The following NELFCD variants were observed in gnomAD, a reference collection of about 807,000 sequenced individuals.
The protein encoded by NELFCD is negative elongation factor complex member C/D.
NELFCD carries 48 observed loss-of-function variants against 72.9 expected under a neutral mutation model. The observed-to-expected ratio is 0.66, with a 90% CI of 0.52 to 0.84. The LOEUF (loss-of-function observed/expected upper bound fraction) is 0.84. Ranked by LOEUF, NELFCD falls within the 40% of genes least tolerant of loss-of-function variation. NELFCD has a pLI of 0.00. For missense variants in NELFCD, 538 were observed against 723.8 expected, an observed-to-expected ratio of 0.74 and a Z score of 2.94; for synonymous variants, 297 against 280.6, an observed-to-expected ratio of 1.06 and a Z score of -0.59.
At chr20:58,982,653 G>A (rs2091744111) in intron 1 of NELFCD, among the ~76,000 whole-genome samples, 1 of 152,218 alleles carries the variant, frequency 6.6e-6, no homozygotes, top group Admixed American at 6.5e-5. Context: ...GCCCTGTGAT[G>A]TTAGCTGCCT....
intron 1 of NELFCD, among the ~76,000 whole-genome samples, chr20:58,984,132 G>A (rs13039584): frequency 6.6e-6 from 1 of 152,178 alleles, no homozygotes; most frequent in Non-Finnish European, 1.5e-5. Context: ...GGAGGCCACC[G>A]TGATGTTCAG....
At chr20:58,989,182 G>T (rs1182596728) in intron 5 of NELFCD, 161 bp downstream of exon 5, 3 of 642,562 alleles carry the variant, frequency 4.7e-6, no homozygotes, top group Admixed American at 5.8e-5. Flanking sequence ...TGTAAAATTT[G>T]TATCTGTTTT....
At position 58,993,697 on chromosome 20, in the gene NELFCD, G is replaced by T. The variant is rs1010260548; in HGVS notation, c.1514G>T (p.Ser505Ile). The change falls in exon 13 of 15, where the codon AGT (serine) becomes ATT (isoleucine). Residue 505 changes from serine to isoleucine, a missense_variant. By Grantham distance (142) the Ser-to-Ile change is moderately radical (BLOSUM62 -2). Transcript: ENST00000652272. The surrounding 1 kb of genome is among the most constrained non-coding windows in gnomAD (Gnocchi z 5.0). ...CGAGGTTATGTACTTCCTGTTGTCA[G>T]TTACATCCGAAAGTGTCTGGAGAAG... ...LSRGYVLPVV[S>I]YIRKCLEKLD... is the part of the protein sequence containing the mutation. The T allele has an allele frequency of 1.2e-6, 2 of 1,614,082 alleles. No individual in the cohort carries two copies. The highest frequency in any genetic ancestry group is 2.7e-5 in the African/African-American group (2 of 74,938).
intron 4 of NELFCD, among the ~76,000 whole-genome samples, 175 bp from the exon 5 acceptor site, chr20:58,988,739 C>T (rs2091790672): frequency 6.6e-6 from 1 of 152,188 alleles, no homozygotes; most frequent in Non-Finnish European, 1.5e-5. Flanking sequence ...AGGGACCTTT[C>T]TGTCACTCAG....
Position 58,993,839 on chromosome 20 carries a change from A to G in NELFCD, c.1581+75A>G, listed in dbSNP as rs908339437. On this transcript the variant is annotated intron_variant, in intron 13 of 14. Coordinates refer to ENST00000652272, the MANE Select transcript of NELFCD (RefSeq NM_198976.4). The surrounding 1 kb of genome is among the most constrained non-coding windows in gnomAD (Gnocchi z 5.0). ...TGCCCTTTTTGGCTTAATTTAGTTC[A>G]TTTTGTACCTAACTGAGAACTGTGC... 1.3e-5 allele frequency: 19 copies of G among 1,494,848 alleles called. No homozygotes were observed. Among genetic ancestry groups the G allele is most frequent in the Non-Finnish European group, 1.5e-5 (16 of 1,088,930 alleles). 92.6% of individuals were successfully genotyped at this position (1,494,848 alleles called of 1,614,324 possible). A position where few individuals can be genotyped will look rare whatever the true frequency, so the allele number is the denominator to read the frequency against.
intron 4 of NELFCD, 123 bp downstream of exon 4, chr20:58,987,940 G>A (rs1340416012): frequency 4.1e-6 from 3 of 725,452 alleles, no homozygotes; most frequent in Non-Finnish European, 7.0e-6. Context: ...ATCAGAGTGT[G>A]AGACAGAAGT....
intron 6 of NELFCD, 53 bp downstream of exon 6, chr20:58,989,693 G>C: frequency 6.2e-7 from 1 of 1,612,728 alleles, no homozygotes; most frequent in Non-Finnish European, 8.5e-7. Context: ...TTTGGGTCTT[G>C]GTTTTCAAGC....
chr20:58,994,033 A>C, intron 13 of NELFCD, 77 bp from the exon 14 acceptor site: 1 of 1,552,102 alleles, frequency 6.4e-7, no homozygotes, highest in Non-Finnish European at 8.8e-7. Flanking sequence ...TTCCAAACTG[A>C]TGGCCATTTC....
At chr20:58,992,866 AG>A (rs1234362826) in intron 10 of NELFCD, 131 bp from the exon 11 acceptor site, 9 of 567,404 alleles carry the variant, frequency 1.6e-5, no homozygotes, top group African/African-American at 1.2e-4. Context: ...AAAAAAAAAA[AG>A]GGTTGGGGGG....
chr20:58,986,232 T>G lies in NELFCD; in HGVS notation c.176+24T>G. The G allele has an allele frequency of 6.8e-7, 1 of 1,472,058 alleles. No homozygotes were observed. Among genetic ancestry groups the G allele is most frequent in the Non-Finnish European group, 9.5e-7 (1 of 1,050,536 alleles). 91.2% of individuals were successfully genotyped at this position (1,472,058 alleles called of 1,614,324 possible). ...AGGTATGTGAGAAAGGTGTCTGTAT[T>G]GGGAGGAGGCTGGGGGTAATTTAGA... On this transcript the variant is annotated intron_variant, in intron 2 of 14. Coordinates refer to ENST00000652272, the MANE Select transcript of NELFCD (RefSeq NM_198976.4). This position sits in a 1 kb window ranked among gnomAD's most constrained non-coding sequence, Gnocchi z 4.4.
chr20:58,994,577 A>AG (rs1555897848), intron 14 of NELFCD, 65 bp from the exon 15 acceptor site: 25 of 1,352,968 alleles, frequency 1.8e-5, no homozygotes, highest in Middle Eastern at 1.8e-4. Flanking sequence ...AAAAAAAAAA[A>AG]AAAGAAAGAA....
rs771463103 is a variant in NELFCD at position 58,994,069 on chromosome 20, A to G, written c.1582-41A>G. 3.7e-5 allele frequency: 59 copies of G among 1,608,414 alleles called. 1 individual carries two copies. Among genetic ancestry groups the G allele is most frequent in the Non-Finnish European group, 4.8e-5 (56 of 1,176,592 alleles). ...ACCCGGATGTCGGTGGATGCCCCGC[A>G]CTAGTGTGCGGAAGAAGTCACCCTG... On this transcript the variant is annotated intron_variant, in intron 13 of 14. Coordinates refer to ENST00000652272, the MANE Select transcript of NELFCD (RefSeq NM_198976.4).
In NELFCD at chr20:58,991,068, T is replaced by G. The variant is rs1277390064; in HGVS notation, c.947T>G (p.Val316Gly). The G allele has an allele frequency of 6.2e-7, 1 of 1,613,120 alleles. No homozygotes were observed. Among genetic ancestry groups the G allele is most frequent in the Non-Finnish European group, 8.5e-7 (1 of 1,179,420 alleles). Reference protein sequence around the residue: ...KMFTSMDPPPVELIRVPAFLD... With the variant: ...KMFTSMDPPPGELIRVPAFLD... ...TTCACAAGCATGGACCCTCCTCCGG[T>G]TGAACTTGTAAGTTGCTTCTCAAGA... The change falls in exon 8 of 15, where the codon GTT becomes GGT. Residue 316 changes from valine to glycine, a missense_variant. By Grantham distance (109) the Val-to-Gly change is moderately radical. Around this residue, in one of 3 missense-constraint regions of NELFCD, gnomAD observed 355 missense variants for 534.5 expected, o/e 0.66. Transcript: ENST00000652272.
chr20:58,990,271 A>G (rs915754911), intron 7 of NELFCD: 2 of 360,892 alleles, frequency 5.5e-6, no homozygotes, highest in African/African-American at 2.1e-5. Context: ...GTGGCGGCAC[A>G]TGCCTGTAAT....
At chr20:58,991,286 C>G in intron 8 of NELFCD, 26 bp from the exon 9 acceptor site, 1 of 1,613,730 alleles carries the variant, frequency 6.2e-7, no homozygotes, top group Non-Finnish European at 8.5e-7. Context: ...CCTGCCATCC[C>G]GAACTGGGCA....
chr20:58,992,479 CTGAG>C (rs1258603508), intron 10 of NELFCD, among the ~76,000 whole-genome samples: 4 of 152,260 alleles, frequency 2.6e-5, no homozygotes, highest in East Asian at 1.9e-4. Context: ...ACCAAACTCA[CTGAG>C]TATCACTCAT....
At chr20:58,989,701 A>G (rs758464494) in intron 6 of NELFCD, 61 bp downstream of exon 6, 1 of 1,611,172 alleles carries the variant, frequency 6.2e-7, no homozygotes, top group Admixed American at 1.7e-5. Flanking sequence ...TTGGTTTTCA[A>G]GCATGAGATG....
rs1174700852 is a variant in NELFCD at position 58,986,747 on chromosome 20, T to G, written c.177-7T>G. ...TCGGGTGTAATTGCTGTTGTTACTT[T>G]CCCTAGGTATTTTCAGGCAGGAGGG... On this transcript the variant is annotated splice_region_variant and splice_polypyrimidine_tract_variant and intron_variant, in intron 2 of 14. Coordinates refer to ENST00000652272, the MANE Select transcript of NELFCD (RefSeq NM_198976.4). The surrounding 1 kb of genome is among the most constrained non-coding windows in gnomAD (Gnocchi z 4.4). The G allele has an allele frequency of 1.9e-6, 3 of 1,560,922 alleles. No homozygotes were observed. In the Admixed American group the frequency reaches 5.0e-5, roughly 26 times the overall value.
Position 58,986,190 on chromosome 20 carries a change from T to A in NELFCD, c.158T>A (p.Ile53Asn). 6.2e-7 allele frequency: 1 copy of A among 1,609,668 alleles called. No individual in the cohort carries two copies. Among genetic ancestry groups the A allele is most frequent in the African/African-American group, 1.3e-5 (1 of 74,952 alleles). Residue 53 changes from isoleucine to asparagine, a missense_variant, in exon 2 of 15, where the codon ATC becomes AAC. Physicochemically the swap from Ile to Asn is moderately radical, Grantham distance 149. This residue lies in a region of NELFCD where 355 missense variants were observed against 534.5 expected (regional missense o/e 0.66). Transcript: ENST00000652272. The surrounding 1 kb of genome is among the most constrained non-coding windows in gnomAD (Gnocchi z 4.4). ...CGGGATTATATCATGGAACCCTCCA[T>A]CTTCAACACTCTGAAGAGGTATGTG... ...STRDYIMEPS[I>N]FNTLKRYFQA...
Sources: allele counts gnomAD v4.1 joint callset (sites outside exome capture counted in the v4.1 genomes callset), GRCh38; gene constraint gnomAD v4.1.1; regional missense constraint gnomAD v4.1.1; non-coding constraint Gnocchi (gnomAD v3.1); transcripts MANE v1.5; gene names NCBI Gene and HGNC (gene_info 2026-07-23, HGNC 2026-07-21).